The following PMFBP1 variants were observed in gnomAD, a reference collection of about 807,000 sequenced individuals.
PMFBP1 encodes the protein polyamine-modulated factor 1-binding protein 1.
In PMFBP1, 131 loss-of-function variants were observed where a neutral mutation model predicts 137.8. That is an observed-to-expected ratio of 0.95 (90% CI 0.82 to 1.10). The LOEUF is 1.10. PMFBP1 is among the 50% of genes least tolerant of loss of function. PMFBP1 has a pLI of 0.00. For missense variants in PMFBP1, 1,199 were observed against 1,175.4 expected, an observed-to-expected ratio of 1.02 and a Z score of -0.29; for synonymous variants, 490 against 450.4, an observed-to-expected ratio of 1.09 and a Z score of -1.11.
downstream of PMFBP1, among the ~76,000 whole-genome samples, chr16:72,118,763 C>CGG (rs138426851): frequency 1.5e-3 from 201 of 134,178 alleles, no homozygotes; most frequent in East Asian, 4.1e-3. Flanking sequence ...CGGTGGTGGG[C>CGG]GGGGGGGCAG....
chr16:72,200,424 C>T, the PMFBP1 span, among the ~76,000 whole-genome samples: 1 of 152,168 alleles, frequency 6.6e-6, no homozygotes, highest in Admixed American at 6.5e-5. Context: ...CAATTAGTGC[C>T]CTGGAAGGTT....
chr16:72,226,048 C>G, the PMFBP1 span, among the ~76,000 whole-genome samples: 7 of 151,980 alleles, frequency 4.6e-5, no homozygotes, highest in Non-Finnish European at 7.4e-5. Flanking sequence ...CCAGTTCTTC[C>G]TATGAGCACT....
the PMFBP1 span, among the ~76,000 whole-genome samples, chr16:72,197,321 G>A: frequency 6.6e-6 from 1 of 152,202 alleles, no homozygotes; most frequent in South Asian, 2.1e-4. Flanking sequence ...AGGTAAAAAA[G>A]CATGAGAAGC....
In PMFBP1 at chr16:72,119,137, G is replaced by T; in HGVS notation, c.*201C>A. ...GTCTTTATTTCAGAGTTTGGGCCTG[G>T]AGATGGTAGTATGGTTCTAAAGCTC... On this transcript the variant is annotated 3_prime_UTR_variant, in exon 21 of 21. Transcript: ENST00000237353. 1.8e-6 allele frequency: 1 copy of T among 554,786 alleles called. No homozygotes were observed. Among genetic ancestry groups the T allele is most frequent in the Non-Finnish European group, 3.2e-6 (1 of 314,606 alleles). 34.4% of individuals were successfully genotyped at this position (554,786 alleles called of 1,614,324 possible).
intron 14 of PMFBP1, among the ~76,000 whole-genome samples, 187 bp from the exon 15 acceptor site, chr16:72,126,319 C>T (rs1248971617): frequency 6.6e-6 from 1 of 152,214 alleles, no homozygotes; most frequent in South Asian, 2.1e-4. Context: ...GGCTCTTTTG[C>T]ACCCCTCAGC....
chr16:72,204,785 C>T, the PMFBP1 span, among the ~76,000 whole-genome samples: 1 of 152,154 alleles, frequency 6.6e-6, no homozygotes, highest in Non-Finnish European at 1.5e-5. Flanking sequence ...GGAGTACCAG[C>T]ACCACCCAAC....
In PMFBP1 at chr16:72,154,338, T is replaced by A. The variant is rs1365659232; in HGVS notation, c.287A>T (p.Glu96Val). 1 of 1,614,066 alleles carries A rather than the reference T, an allele frequency of 6.2e-7. No individual in the cohort carries two copies. Among genetic ancestry groups the A allele is most frequent in the Non-Finnish European group, 8.5e-7 (1 of 1,180,032 alleles). ...LKKKLLVLQQ[E>V]LEFHTEELQT... ...CAACTCCTCTGTGTGAAACTCCAGT[T>A]CTTGTTGAAGGACCAGCAATTTTTT... The change falls in exon 4 of 21, where the codon GAA becomes GTA. Residue 96 changes from glutamate (E) to valine (V), a missense_variant. Physicochemically the swap from Glu to Val is moderately radical, Grantham distance 121. Transcript: ENST00000237353.
the PMFBP1 span, among the ~76,000 whole-genome samples, chr16:72,191,553 T>A: frequency 4.6e-5 from 7 of 152,362 alleles, no homozygotes; most frequent in Admixed American, 2.0e-4. Context: ...CCTTTAAAAA[T>A]AGGCTATTTT....
chr16:72,124,122 C>A (rs1193292928), intron 17 of PMFBP1, among the ~76,000 whole-genome samples: 1 of 152,166 alleles, frequency 6.6e-6, no homozygotes, highest in Non-Finnish European at 1.5e-5. Context: ...AGCTATCCTC[C>A]CACTTAGCCT....
At chr16:72,178,036 C>T (rs986152423), upstream of PMFBP1, among the ~76,000 whole-genome samples, 2 of 152,068 alleles carry the variant, frequency 1.3e-5, no homozygotes, top group Non-Finnish European at 2.9e-5. Context: ...GGACTACAGG[C>T]ACTCACCACC....
intron 7 of PMFBP1, among the ~76,000 whole-genome samples, chr16:72,138,810 C>G (rs1326921311): frequency 1.3e-5 from 2 of 151,856 alleles, no homozygotes; most frequent in Non-Finnish European, 2.9e-5. Flanking sequence ...GCCACCACAC[C>G]TGGCCACTCA....
chr16:72,140,888 T>C (rs1184605789), intron 5 of PMFBP1, among the ~76,000 whole-genome samples: 1 of 150,606 alleles, frequency 6.6e-6, no homozygotes, highest in Non-Finnish European at 1.5e-5. Flanking sequence ...ATTTTATGCA[T>C]ATTTGCATAA....
chr16:72,244,353 G>C, the PMFBP1 span, among the ~76,000 whole-genome samples: 1 of 152,314 alleles, frequency 6.6e-6, no homozygotes, highest in Non-Finnish European at 1.5e-5. Context: ...CTAGAGACCA[G>C]AGTCCCTGTT....
downstream of PMFBP1, among the ~76,000 whole-genome samples, chr16:72,117,726 A>C (rs890268640): frequency 7.6e-6 from 1 of 132,106 alleles, no homozygotes; most frequent in Non-Finnish European, 1.7e-5. Context: ...TTCATAAAAG[A>C]GTGTTGTTGT....
At chr16:72,211,600 A>C in the PMFBP1 span, among the ~76,000 whole-genome samples, 1 of 152,248 alleles carries the variant, frequency 6.6e-6, no homozygotes, top group African/African-American at 2.4e-5. Flanking sequence ...TAAACTTAAA[A>C]AAGAAAAAAA....
the PMFBP1 span, among the ~76,000 whole-genome samples, chr16:72,199,544 C>G: frequency 6.6e-6 from 1 of 151,172 alleles, no homozygotes; most frequent in Non-Finnish European, 1.5e-5. Flanking sequence ...GTCCCAGCTA[C>G]TCGGGAGGCT....
intron 5 of PMFBP1, among the ~76,000 whole-genome samples, chr16:72,142,296 G>A (rs2042735542): frequency 6.6e-6 from 1 of 152,118 alleles, no homozygotes; most frequent in Non-Finnish European, 1.5e-5. Flanking sequence ...AATACTATGG[G>A]ATGAAAAATG....
intron 5 of PMFBP1, among the ~76,000 whole-genome samples, chr16:72,142,895 A>G (rs1597473840): frequency 6.6e-6 from 1 of 152,244 alleles, no homozygotes; most frequent in Admixed American, 6.5e-5. Context: ...TATGCAAGGA[A>G]AGCACAAAAA....
chr16:72,237,324 T>G, the PMFBP1 span, among the ~76,000 whole-genome samples: 2 of 152,148 alleles, frequency 1.3e-5, no homozygotes, highest in African/African-American at 4.8e-5. Context: ...TTCTTCTCAT[T>G]ATCCTCCTTG....
Sources: allele counts gnomAD v4.1 joint callset (sites outside exome capture counted in the v4.1 genomes callset), GRCh38; gene constraint gnomAD v4.1.1; transcripts MANE v1.5; gene names NCBI Gene and HGNC (gene_info 2026-07-23, HGNC 2026-07-21).